PTPRO: variants seen among roughly 807,000 people sequenced by gnomAD.
PTPRO encodes protein tyrosine phosphatase receptor type O.
A neutral mutation model predicts 145.2 loss-of-function variants in PTPRO; 62 were observed. The ratio of observed to expected loss-of-function variants is 0.43; its 90% CI spans 0.35 to 0.53. PTPRO has a LOEUF of 0.53. Among genes scored for constraint, PTPRO ranks in the 20% least tolerant of loss-of-function variants. The pLI is 0.01. For missense variants in PTPRO, 1,345 were observed against 1,482.7 expected (o/e 0.91, Z 1.53); for synonymous variants, 565 against 514.7 (o/e 1.10, Z -1.32).
intron 18 of PTPRO, among the ~76,000 whole-genome samples, chr12:15,566,913 A>T (rs140870974): frequency 3.7e-4 from 56 of 152,332 alleles, no homozygotes; most frequent in Non-Finnish European, 7.4e-4. Context: ...AGAGGGTACC[A>T]TCACCTGGGA....
chr12:15,508,115 C>T (rs1942360399), intron 6 of PTPRO, among the ~76,000 whole-genome samples: 1 of 152,310 alleles, frequency 6.6e-6, no homozygotes, highest in Middle Eastern at 3.4e-3. Context: ...CCTGCCTTTT[C>T]GTTCTCACTG....
intron 23 of PTPRO, among the ~76,000 whole-genome samples, chr12:15,584,199 T>G (rs751746065): frequency 6.6e-6 from 1 of 152,240 alleles, no homozygotes; most frequent in Non-Finnish European, 1.5e-5. Flanking sequence ...CCCTGTGGAA[T>G]GAATAAATCA....
intron 1 of PTPRO, chr12:15,439,614 G>T: frequency 3.4e-6 from 1 of 293,136 alleles, no homozygotes; most frequent in South Asian, 3.3e-5. Context: ...TGGAGGTTTT[G>T]GCAGTGGCAT....
At chr12:15,359,626 C>G (rs2136240912) in intron 1 of PTPRO, among the ~76,000 whole-genome samples, 1 of 151,904 alleles carries the variant, frequency 6.6e-6, no homozygotes, top group African/African-American at 2.4e-5. Context: ...ACCATATTGG[C>G]CAGGCTGGTC....
intron 12 of PTPRO, among the ~76,000 whole-genome samples, chr12:15,529,962 C>G (rs1402528759): frequency 6.6e-6 from 1 of 152,106 alleles, no homozygotes; most frequent in Non-Finnish European, 1.5e-5. Context: ...CAACTATATG[C>G]TGCCTTTGAG....
At chr12:15,537,479 A>T (rs1258711641) in intron 12 of PTPRO, among the ~76,000 whole-genome samples, 1 of 152,130 alleles carries the variant, frequency 6.6e-6, no homozygotes, top group Non-Finnish European at 1.5e-5. Context: ...CAGCGAGTGG[A>T]GATTGTCCAG....
chr12:15,507,988 T>C (rs1942357600), intron 6 of PTPRO, among the ~76,000 whole-genome samples: 1 of 152,238 alleles, frequency 6.6e-6, no homozygotes, highest in Non-Finnish European at 1.5e-5. Context: ...TGGGCACTTC[T>C]GTGGAGACAT....
At chr12:15,490,373 C>T (rs915103887) in intron 2 of PTPRO, among the ~76,000 whole-genome samples, 1 of 152,172 alleles carries the variant, frequency 6.6e-6, no homozygotes, top group African/African-American at 2.4e-5. Flanking sequence ...AACTACACAA[C>T]TCTGCCGTTG....
chr12:15,385,263 G>C (rs1938986984), intron 1 of PTPRO, among the ~76,000 whole-genome samples: 2 of 152,112 alleles, frequency 1.3e-5, no homozygotes, highest in Non-Finnish European at 2.9e-5. Context: ...AAGACAATAA[G>C]GGAAGTCCAG....
At chr12:15,448,338 G>GCAAAAAAAAAAAA (rs1565635275) in intron 1 of PTPRO, among the ~76,000 whole-genome samples, 1 of 3,866 alleles carries the variant, frequency 2.6e-4, no homozygotes, top group Non-Finnish European at 3.6e-3. Flanking sequence ...CCTGTTCCTA[G>GCAAAAAAAAAAAA]TAAAAAAAAA....
intron 12 of PTPRO, among the ~76,000 whole-genome samples, chr12:15,527,269 C>T (rs751284929): frequency 5.3e-5 from 8 of 152,166 alleles, no homozygotes; most frequent in East Asian, 3.8e-4. Context: ...GCCTCCCCCG[C>T]GATTCTGCCT....
chr12:15,442,756 C>CA (rs1421606192), intron 1 of PTPRO, among the ~76,000 whole-genome samples: 1 of 151,610 alleles, frequency 6.6e-6, no homozygotes, highest in Non-Finnish European at 1.5e-5. Context: ...GCCACACACA[C>CA]AAAAAAATAC....
At chr12:15,445,229 A>G (rs1403062475) in intron 1 of PTPRO, among the ~76,000 whole-genome samples, 5 of 152,060 alleles carry the variant, frequency 3.3e-5, no homozygotes, top group Non-Finnish European at 7.4e-5. Context: ...TTTGTTGTTT[A>G]TGTTTCATTA....
intron 17 of PTPRO, among the ~76,000 whole-genome samples, chr12:15,562,922 T>A (rs1404796238): frequency 6.6e-6 from 1 of 152,040 alleles, no homozygotes; most frequent in Non-Finnish European, 1.5e-5. Flanking sequence ...CTAAAGTCCT[T>A]TTTAAGGTTT....
In PTPRO at chr12:15,578,889, G is replaced by C; in HGVS notation, c.2866G>C (p.Ala956Pro). The C allele has an allele frequency of 6.2e-7, 1 of 1,607,868 alleles. No individual in the cohort carries two copies. The highest frequency in any genetic ancestry group is 8.5e-7 in the Non-Finnish European group (1 of 1,174,350). The change falls in exon 20 of 27, where the codon GCT becomes CCT. Residue 956 changes from alanine to proline, a missense_variant. Coordinates refer to ENST00000281171, the MANE Select transcript of PTPRO (RefSeq NM_030667.3). ...KLIGLDIPHF[A>P]ADLPLNRCKN... ...GATTGGACTGGATATCCCACACTTTGCTGCAGATCTTCCACTGAATCGATG... is the reference window on the plus strand; with the variant it reads ...GATTGGACTGGATATCCCACACTTTCCTGCAGATCTTCCACTGAATCGATG...
At chr12:15,478,400 C>G (rs1203432652) in intron 1 of PTPRO, among the ~76,000 whole-genome samples, 1 of 152,178 alleles carries the variant, frequency 6.6e-6, no homozygotes, top group East Asian at 1.9e-4. Context: ...AATGTCAACT[C>G]TCTTTAAAAA....
At chr12:15,568,070 C>G (rs1010048135) in intron 18 of PTPRO, among the ~76,000 whole-genome samples, 1 of 152,172 alleles carries the variant, frequency 6.6e-6, no homozygotes. Flanking sequence ...ATGAATTAAT[C>G]AGATTAGCTA....
intron 6 of PTPRO, among the ~76,000 whole-genome samples, chr12:15,507,853 C>T (rs568674651): frequency 6.6e-6 from 1 of 152,294 alleles, no homozygotes; most frequent in South Asian, 2.1e-4. Flanking sequence ...ATGGAAGTTT[C>T]ACATTTGCAT....
chr12:15,506,305 A>G (rs1565670940), intron 6 of PTPRO, among the ~76,000 whole-genome samples: 1 of 152,204 alleles, frequency 6.6e-6, no homozygotes, highest in Non-Finnish European at 1.5e-5. Context: ...AGATTTTCAA[A>G]AGCAATGACT....
Sources: gnomAD v4.1 joint callset for allele counts (sites outside exome capture counted in the v4.1 genomes callset) on GRCh38, gnomAD v4.1.1 for gene constraint, MANE v1.5 for transcripts, NCBI Gene and HGNC (gene_info 2026-07-23, HGNC 2026-07-21) for gene names.